The following ENDOD1 variants were observed in gnomAD, a reference collection of about 807,000 sequenced individuals.
ENDOD1 encodes the protein endonuclease domain containing 1, also known as endonuclease domain-containing 1 protein.
A neutral mutation model predicts 6.5 loss-of-function variants in ENDOD1; 9 were observed. The ratio of observed to expected loss-of-function variants is 1.39; its 90% CI spans 0.84 to 2.43. The LOEUF (loss-of-function observed/expected upper bound fraction) is 2.43. ENDOD1 is among the 30% of genes most tolerant of loss of function. The probability of loss-of-function intolerance (pLI) is 0.00; values close to 1 mark genes in which losing one functional copy is unlikely to be tolerated. For missense variants in ENDOD1, 648 were observed against 635.5 expected, an observed-to-expected ratio of 1.02 and a Z score of -0.21; for synonymous variants, 255 against 255.2, an observed-to-expected ratio of 1.00 and a Z score of 0.01.
intron 1 of ENDOD1, among the ~76,000 whole-genome samples, chr11:95,110,518 C>T (rs1859137348): frequency 6.6e-6 from 1 of 152,036 alleles, no homozygotes; most frequent in Non-Finnish European, 1.5e-5. Flanking sequence ...GATCCCCCTC[C>T]CTGGTACACT....
At chr11:95,121,013 C>T (rs542839256) in intron 1 of ENDOD1, among the ~76,000 whole-genome samples, 4 of 152,276 alleles carry the variant, frequency 2.6e-5, no homozygotes, top group Admixed American at 6.5e-5. Context: ...CATAGAATTA[C>T]CCTCTGCATA....
In ENDOD1 at chr11:95,129,549, G is replaced by C; in HGVS notation, c.1473G>C (p.Lys491Asn). 1.2e-6 allele frequency: 2 copies of C among 1,613,488 alleles called. No individual in the cohort carries two copies. The highest frequency in any genetic ancestry group is 1.7e-6 in the Non-Finnish European group (2 of 1,179,666). ...GTGTCTGCAAGCGGATTGGCTACAA[G>C]GTTACTTTTGACAATTCTGGGGAGT... ...VFSVCKRIGY[K>N]VTFDNSGEL Residue 491 changes from lysine (K) to asparagine (N), a missense_variant, in exon 2 of 2, where the codon AAG becomes AAC. Physicochemically the swap from Lys to Asn is moderately conservative, Grantham distance 94 (BLOSUM62 0). Coordinates refer to ENST00000278505, the MANE Select transcript of ENDOD1 (RefSeq NM_015036.3).
At position 95,095,534 on chromosome 11, in the gene ENDOD1, G is replaced by A. The variant is rs1225422369; in HGVS notation, c.300+5307G>A. ...GGATCAAGTTAAGGTATTTACCTGC[G>A]TTGGCAGAATATTTCAGGGACATCT... On this transcript the variant is annotated intron_variant, in intron 1 of 1. Coordinates refer to ENST00000278505, the MANE Select transcript of ENDOD1 (RefSeq NM_015036.3). Among the ~76,000 whole-genome samples the A allele has an allele frequency of 5.4e-5, 4 of 73,740 alleles. No homozygotes were observed. In the East Asian group the frequency reaches 1.3e-3, roughly 24 times the overall value. The allele number at this position is 73,740 out of a possible 152,430, so 48.4% of individuals were successfully genotyped here.
chr11:95,107,763 C>T (rs1398001269), intron 1 of ENDOD1, among the ~76,000 whole-genome samples: 6 of 152,216 alleles, frequency 3.9e-5, no homozygotes, highest in South Asian at 4.1e-4. Flanking sequence ...CGGGTTCAAG[C>T]GATTCTCCTG....
intron 1 of ENDOD1, among the ~76,000 whole-genome samples, chr11:95,106,394 G>C (rs931065878): frequency 1.3e-5 from 2 of 152,186 alleles, no homozygotes; most frequent in Non-Finnish European, 2.9e-5. Flanking sequence ...ATGGATGAGT[G>C]GGGGGATTGA....
At chr11:95,095,798 T>C (rs1297098489) in intron 1 of ENDOD1, among the ~76,000 whole-genome samples, 1 of 152,222 alleles carries the variant, frequency 6.6e-6, no homozygotes, top group Non-Finnish European at 1.5e-5. Context: ...AGCTTCTAGA[T>C]GGCAAAACCT....
intron 1 of ENDOD1, among the ~76,000 whole-genome samples, chr11:95,109,244 C>G (rs534250494): frequency 5.9e-5 from 9 of 152,300 alleles, no homozygotes; most frequent in South Asian, 4.1e-4. Flanking sequence ...TTAAAATTCT[C>G]CAGGGGAAGG....
At chr11:95,091,803 G>T (rs1049621850) in intron 1 of ENDOD1, among the ~76,000 whole-genome samples, 1 of 152,198 alleles carries the variant, frequency 6.6e-6, no homozygotes, top group Non-Finnish European at 1.5e-5. Flanking sequence ...GAGTTTGCTG[G>T]GTGGAGAGGT....
At chr11:95,106,843 A>G (rs1473709820) in intron 1 of ENDOD1, among the ~76,000 whole-genome samples, 1 of 151,918 alleles carries the variant, frequency 6.6e-6, no homozygotes, top group Non-Finnish European at 1.5e-5. Flanking sequence ...CCCCGTCAGC[A>G]TCACCTGGGA....
At position 95,129,398 on chromosome 11, in the gene ENDOD1, C is replaced by T. The variant is rs1316679987; in HGVS notation, c.1322C>T (p.Pro441Leu). The T allele has an allele frequency of 4.3e-6, 7 of 1,614,080 alleles. No homozygotes were observed. In the African/African-American group the frequency reaches 8.0e-5, roughly 18 times the overall value. ...VRVLVDVATF[P>L]VYTMGAIPIV... is the part of the protein sequence containing the mutation. ...GTCCTTGTGGATGTGGCCACTTTCCCTGTGTACACCATGGGCGCTATTCCA... is the reference window on the plus strand; with the variant it reads ...GTCCTTGTGGATGTGGCCACTTTCCTTGTGTACACCATGGGCGCTATTCCA... The change falls in exon 2 of 2, where the codon CCT (proline) becomes CTT (leucine). Residue 441 changes from proline to leucine, a missense_variant. Coordinates refer to ENST00000278505, the MANE Select transcript of ENDOD1 (RefSeq NM_015036.3).
At chr11:95,099,692 T>C (rs1270695748) in intron 1 of ENDOD1, among the ~76,000 whole-genome samples, 1 of 152,256 alleles carries the variant, frequency 6.6e-6, no homozygotes, top group Admixed American at 6.5e-5. Context: ...AATTCCTTTT[T>C]CCTTTATGAC....
chr11:95,097,389 C>T (rs1858997042), intron 1 of ENDOD1, among the ~76,000 whole-genome samples: 1 of 152,004 alleles, frequency 6.6e-6, no homozygotes, highest in Non-Finnish European at 1.5e-5. Flanking sequence ...ATTGCAAAGG[C>T]CTGGAGGCAT....
chr11:95,115,946 T>A (rs781938377), intron 1 of ENDOD1, among the ~76,000 whole-genome samples: 7 of 152,188 alleles, frequency 4.6e-5, no homozygotes, highest in African/African-American at 7.2e-5. Flanking sequence ...TGGCCTCTGG[T>A]TTTCTTTTTT....
At chr11:95,094,835 T>C (rs1256931446) in intron 1 of ENDOD1, among the ~76,000 whole-genome samples, 1 of 152,242 alleles carries the variant, frequency 6.6e-6, no homozygotes, top group Non-Finnish European at 1.5e-5. Context: ...TTCAGATCCC[T>C]GCTCTTCCAT....
At chr11:95,114,242 G>C (rs1859179499) in intron 1 of ENDOD1, among the ~76,000 whole-genome samples, 1 of 152,048 alleles carries the variant, frequency 6.6e-6, no homozygotes, top group Non-Finnish European at 1.5e-5. Context: ...TCAGCTTCCT[G>C]AGTAGCTGGG....
intron 1 of ENDOD1, among the ~76,000 whole-genome samples, chr11:95,122,666 C>T (rs952776347): frequency 2.0e-5 from 3 of 151,634 alleles, no homozygotes; most frequent in African/African-American, 7.3e-5. Context: ...CCTACCAAGA[C>T]ATACTTAGTT....
chr11:95,125,802 C>T (rs1251570154), intron 1 of ENDOD1, among the ~76,000 whole-genome samples: 1 of 152,104 alleles, frequency 6.6e-6, no homozygotes, highest in African/African-American at 2.4e-5. Flanking sequence ...CATAGTATTC[C>T]ATGGTGTATA....
At chr11:95,116,634 TCCC>T (rs1859212157) in intron 1 of ENDOD1, among the ~76,000 whole-genome samples, 3 of 152,228 alleles carry the variant, frequency 2.0e-5, no homozygotes, top group Non-Finnish European at 2.9e-5. Flanking sequence ...CCTATAGACT[TCCC>T]TCTTAGTATT....
intron 1 of ENDOD1, among the ~76,000 whole-genome samples, chr11:95,100,894 G>A (rs887879533): frequency 2.1e-5 from 2 of 93,138 alleles, no homozygotes; most frequent in East Asian, 3.6e-4. Context: ...TTTGCCTTCC[G>A]TGATATTCCC....
Sources: allele counts gnomAD v4.1 joint callset (sites outside exome capture counted in the v4.1 genomes callset), GRCh38; gene constraint gnomAD v4.1.1; transcripts MANE v1.5; gene names NCBI Gene and HGNC (gene_info 2026-07-23, HGNC 2026-07-21).